AAGAB: variants seen among roughly 807,000 people sequenced by gnomAD.
The protein encoded by AAGAB is alpha and gamma adaptin binding protein, also known as alpha- and gamma-adaptin-binding protein p34.
Under a neutral mutation model 44.1 loss-of-function variants are expected in AAGAB, and 38 were observed. The observed-to-expected ratio is 0.86, with a 90% CI of 0.67 to 1.13. AAGAB has a LOEUF of 1.13. Among genes scored for constraint, AAGAB ranks in the 50% most tolerant of loss-of-function variants. The pLI is 0.00. For missense variants in AAGAB, 450 were observed against 373.8 expected (o/e 1.20, Z -1.68); for synonymous variants, 131 against 131.8 (o/e 0.99, Z 0.04).
chr15:67,242,291 C>T (rs571990289), intron 1 of AAGAB, among the ~76,000 whole-genome samples: 3 of 132,460 alleles, frequency 2.3e-5, no homozygotes, highest in East Asian at 5.9e-4. Flanking sequence ...GGCGCGGTGG[C>T]GGGCGCCTGT....
intron 7 of AAGAB, among the ~76,000 whole-genome samples, chr15:67,207,051 G>A (rs563367029): frequency 1.3e-5 from 2 of 152,192 alleles, no homozygotes; most frequent in African/African-American, 4.8e-5. Flanking sequence ...TTAGCTGGGC[G>A]TGGTGGCACA....
At position 67,247,212 on chromosome 15, in the gene AAGAB, CACA is replaced by C. The variant is rs370686267; in HGVS notation, c.73+7344_73+7346del. On this transcript the variant is annotated intron_variant, in intron 1 of 9. Transcript: ENST00000261880. ...CCAGAAGGAAGAAACTCCGGACACT[CACA>C]ACGAGGGTTCACGGCTTCATTCTTG... Among the ~76,000 whole-genome samples, 716 of 152,280 alleles carry C rather than the reference CACA, an allele frequency of 4.7e-3. 4 individuals carry two copies. The highest frequency in any genetic ancestry group is 0.017 in the African/African-American group (692 of 41,560).
At chr15:67,212,937 C>T (rs1251714661) in intron 5 of AAGAB, among the ~76,000 whole-genome samples, 4 of 152,140 alleles carry the variant, frequency 2.6e-5, no homozygotes, top group East Asian at 1.9e-4. Flanking sequence ...AATGTCATCC[C>T]TATTAAGAAG....
intron 5 of AAGAB, among the ~76,000 whole-genome samples, chr15:67,221,631 A>G (rs1964066320): frequency 6.6e-6 from 1 of 152,190 alleles, no homozygotes; most frequent in Non-Finnish European, 1.5e-5. Flanking sequence ...TCTCAATGGG[A>G]GCCAGGCAAT....
At chr15:67,228,555 A>G (rs1010951990) in intron 5 of AAGAB, among the ~76,000 whole-genome samples, 10 of 152,220 alleles carry the variant, frequency 6.6e-5, no homozygotes, top group Non-Finnish European at 1.3e-4. Context: ...CCACTGTGGA[A>G]AGCAGTTTGG....
At chr15:67,233,495 T>C (rs972358393) in intron 4 of AAGAB, among the ~76,000 whole-genome samples, 2 of 152,128 alleles carry the variant, frequency 1.3e-5, no homozygotes, top group Non-Finnish European at 2.9e-5. Context: ...ACAGAAATAG[T>C]TTTCATGTGG....
In AAGAB at chr15:67,204,154, A is replaced by C. The variant is rs753310459; in HGVS notation, c.716-6T>G. 24 of 1,569,146 alleles carry C rather than the reference A, an allele frequency of 1.5e-5. No individual in the cohort carries two copies. The highest frequency in any genetic ancestry group is 1.8e-5 in the Non-Finnish European group (20 of 1,140,720). On this transcript the variant is annotated splice_polypyrimidine_tract_variant and splice_region_variant and intron_variant, in intron 7 of 9. Transcript: ENST00000261880. The stretch of plus-strand genomic sequence containing the variant: ...ATCCAGATCTAACATGGGATCTGAA[A>C]TAGGGATTTGTCACATTATCTGTCA...
At chr15:67,240,442 TG>T (rs1356554775) in intron 1 of AAGAB, among the ~76,000 whole-genome samples, 3 of 152,204 alleles carry the variant, frequency 2.0e-5, no homozygotes, top group African/African-American at 7.2e-5. Flanking sequence ...GGCAGCCACC[TG>T]GTGGAGCTGT....
At chr15:67,226,257 C>G (rs1174896473) in intron 5 of AAGAB, among the ~76,000 whole-genome samples, 4 of 152,042 alleles carry the variant, frequency 2.6e-5, no homozygotes, top group Admixed American at 6.6e-5. Flanking sequence ...TTCAGCCTCC[C>G]CAATAGCTGG....
At position 67,201,512 on chromosome 15, in the gene AAGAB, C is replaced by T. The variant is rs1963570149; in HGVS notation, c.*1309G>A. 1.3e-5 allele frequency: 2 copies of T among 152,300 alleles called. No individual in the cohort carries two copies. Among genetic ancestry groups the T allele is most frequent in the South Asian group, 2.1e-4 (1 of 4,830 alleles). The allele number at this position is 152,300 out of a possible 1,614,324, so 9.4% of individuals were successfully genotyped here. ...TTATTTCTTTCTGCTCCTAACCCAA[C>T]CTGTTTCTTTCATGCTGTGTAAATG... On this transcript the variant is annotated 3_prime_UTR_variant, in exon 10 of 10. Coordinates refer to ENST00000261880, the MANE Select transcript of AAGAB (RefSeq NM_024666.5).
At chr15:67,234,577 CA>C (rs1964419711) in intron 4 of AAGAB, among the ~76,000 whole-genome samples, 3 of 152,236 alleles carry the variant, frequency 2.0e-5, no homozygotes, top group African/African-American at 7.2e-5. Context: ...GGAAGGTTTT[CA>C]TTACCTTACC....
intron 5 of AAGAB, among the ~76,000 whole-genome samples, chr15:67,217,314 T>C (rs1325641517): frequency 6.6e-6 from 1 of 152,190 alleles, no homozygotes; most frequent in African/African-American, 2.4e-5. Context: ...CATGAAGCCA[T>C]TTTCCAAGAG....
chr15:67,246,044 G>T (rs1964713290), intron 1 of AAGAB, among the ~76,000 whole-genome samples: 1 of 152,122 alleles, frequency 6.6e-6, no homozygotes. Context: ...ACTCTAAATA[G>T]GTTTTTGTTA....
chr15:67,231,459 C>G (rs1164813718), intron 5 of AAGAB, among the ~76,000 whole-genome samples: 1 of 152,208 alleles, frequency 6.6e-6, no homozygotes, highest in East Asian at 1.9e-4. Flanking sequence ...GTACTCATCA[C>G]AGATTGCCTT....
At chr15:67,232,535 C>T (rs762820261) in intron 4 of AAGAB, 19 of 383,600 alleles carry the variant, frequency 5.0e-5, no homozygotes, top group Middle Eastern at 9.7e-4. Flanking sequence ...TCCTTCACCC[C>T]GGGAAGGCAA....
intron 7 of AAGAB, 129 bp from the exon 8 acceptor site, chr15:67,204,277 C>G (rs915935476): frequency 1.7e-6 from 1 of 574,476 alleles, no homozygotes; most frequent in Non-Finnish European, 3.0e-6. Context: ...ACCAGCTTTA[C>G]AGCTCATGGC....
rs959884190 is a variant in AAGAB, at chr15:67,244,309, G to A, written c.74-7489C>T. Among the ~76,000 whole-genome samples the A allele has an allele frequency of 2.0e-5, 3 of 151,994 alleles. No individual in the cohort carries two copies. In the East Asian group the frequency reaches 5.8e-4, roughly 29 times the overall value. The stretch of plus-strand genomic sequence containing the variant: ...CATTATTGGGCAACAGATGGTCAAC[G>A]AATCATGGAAAACAAAAACACTAAT... On this transcript the variant is annotated intron_variant, in intron 1 of 9. Coordinates refer to ENST00000261880, the MANE Select transcript of AAGAB (RefSeq NM_024666.5).
intron 4 of AAGAB, among the ~76,000 whole-genome samples, chr15:67,233,300 A>G (rs1196809888): frequency 6.6e-6 from 1 of 152,234 alleles, no homozygotes; most frequent in African/African-American, 2.4e-5. Context: ...AACTTAGTTT[A>G]GTTTATTATT....
At chr15:67,249,935 C>A (rs1964822932) in intron 1 of AAGAB, among the ~76,000 whole-genome samples, 1 of 152,170 alleles carries the variant, frequency 6.6e-6, no homozygotes, top group Non-Finnish European at 1.5e-5. Flanking sequence ...CATATAAATG[C>A]TTGCTATGAT....
Sources: gnomAD v4.1 joint callset for allele counts (sites outside exome capture counted in the v4.1 genomes callset) on GRCh38, gnomAD v4.1.1 for gene constraint, MANE v1.5 for transcripts, NCBI Gene and HGNC (gene_info 2026-07-23, HGNC 2026-07-21) for gene names.